Variants in DDRGK1 observed in about 807,000 individuals in gnomAD.
DDRGK1 encodes the protein DDRGK domain containing 1, also known as DDRGK domain-containing protein 1.
Under a neutral mutation model 45.8 loss-of-function variants are expected in DDRGK1, and 38 were observed. The observed-to-expected ratio is 0.83, with a 90% confidence interval of 0.64 to 1.09. DDRGK1 has a LOEUF of 1.09. DDRGK1 is among the 50% of genes least tolerant of loss of function. DDRGK1 has a pLI of 0.00. For synonymous variants in DDRGK1, 171 were observed against 168.7 expected (o/e 1.01, Z -0.11); for missense variants, 403 against 419.9 (o/e 0.96, Z 0.35).
chr20:3,191,303 C>T, intron 7 of DDRGK1, 65 bp from the exon 8 acceptor site: 1 of 1,521,498 alleles, frequency 6.6e-7, no homozygotes. Flanking sequence ...GCACTGAAAC[C>T]TCCCTCCCAC....
intron 2 of DDRGK1, among the ~76,000 whole-genome samples, chr20:3,201,240 C>A (rs560753814): frequency 2.7e-5 from 4 of 148,298 alleles, no homozygotes; most frequent in African/African-American, 1.0e-4. Flanking sequence ...GCGGAGATCG[C>A]GCCACTGCAC....
At chr20:3,202,775 A>G (rs897248886) in intron 2 of DDRGK1, among the ~76,000 whole-genome samples, 4 of 152,126 alleles carry the variant, frequency 2.6e-5, no homozygotes, top group Non-Finnish European at 5.9e-5. Flanking sequence ...GGTCTCCTGG[A>G]AGCAGGGATA....
rs34780584 is a variant in DDRGK1 at position 3,196,493 on chromosome 20, C to G, written c.511-1140G>C. On this transcript the variant is annotated intron_variant, in intron 4 of 8. Coordinates refer to ENST00000354488, the MANE Select transcript of DDRGK1 (RefSeq NM_023935.3). The stretch of plus-strand genomic sequence containing the variant: ...GAGATCGAGACCATCCTGGCTAACA[C>G]GGTGAAACCCTGTCTCCACTAAAAA... 3.5e-3 allele frequency among the ~76,000 whole-genome samples: 509 copies of G among 146,104 alleles called. 4 individuals are homozygous for G. The highest frequency in any genetic ancestry group is 0.012 in the African/African-American group (463 of 39,214).
chr20:3,198,714 A>C lies in DDRGK1; in HGVS notation c.510+1287T>G, dbSNP rs956992153. On this transcript the variant is annotated intron_variant, in intron 4 of 8. Transcript: ENST00000354488. ...GAACTCCGTTTCAAAAAAAAAAAAA[A>C]AAAAACAAAACAGAAATTCTGATAA... is the stretch of plus-strand genomic sequence containing the variant. Among the ~76,000 whole-genome samples, 11 of 143,224 alleles carry C rather than the reference A, an allele frequency of 7.7e-5. 1 individual carries two copies. The highest frequency in any genetic ancestry group is 1.1e-4 in the Non-Finnish European group (7 of 65,340). The allele number at this position is 143,224 out of a possible 152,430, so 94.0% of individuals were successfully genotyped here. A position where few individuals can be genotyped will look rare whatever the true frequency, so the allele number is the denominator to read the frequency against.
At chr20:3,194,762 T>C in intron 6 of DDRGK1, 68 bp downstream of exon 6, 1 of 1,602,584 alleles carries the variant, frequency 6.2e-7, no homozygotes, top group Non-Finnish European at 8.5e-7. Context: ...CAGCCCCCGC[T>C]GGAGGCATCC....
chr20:3,199,964 G>A, intron 4 of DDRGK1, 37 bp downstream of exon 4: 2 of 1,559,882 alleles, frequency 1.3e-6, no homozygotes, highest in East Asian at 2.3e-5. Flanking sequence ...GCCTTGCCTG[G>A]TCAAGGGTCA....
At chr20:3,192,728 A>T (rs932781130) in intron 6 of DDRGK1, among the ~76,000 whole-genome samples, 1 of 152,120 alleles carries the variant, frequency 6.6e-6, no homozygotes, top group Non-Finnish European at 1.5e-5. Flanking sequence ...CACTACCCCA[A>T]CACACAGCAC....
At chr20:3,195,750 T>C (rs2067007455) in intron 4 of DDRGK1, among the ~76,000 whole-genome samples, 1 of 151,962 alleles carries the variant, frequency 6.6e-6, no homozygotes, top group Non-Finnish European at 1.5e-5. Context: ...CTGCATTTCC[T>C]CACCACCCAC....
chr20:3,194,955 T>G (rs1225471453), intron 5 of DDRGK1, 87 bp from the exon 6 acceptor site: 19 of 1,543,318 alleles, frequency 1.2e-5, no homozygotes, highest in Non-Finnish European at 1.6e-5. Flanking sequence ...CCTGCTCACT[T>G]GAGGGCCACC....
intron 6 of DDRGK1, among the ~76,000 whole-genome samples, chr20:3,194,621 C>T (rs2067002129): frequency 6.6e-6 from 1 of 152,244 alleles, no homozygotes; most frequent in Admixed American, 6.5e-5. Flanking sequence ...AGGCTTGCGC[C>T]TCCCACACAG....
Position 3,194,847 on chromosome 20 carries a change from A to G in DDRGK1, c.655T>C (p.Phe219Leu). 6.2e-7 allele frequency: 1 copy of G among 1,613,934 alleles called. No individual in the cohort carries two copies. The highest frequency in any genetic ancestry group is 1.1e-5 in the South Asian group (1 of 91,066). ...EEQSQSFLTE[F>L]INYIKQSKVV... The stretch of plus-strand genomic sequence containing the variant: ...CTTCTTACCTTGATGTAGTTGATGA[A>G]CTCTGTCAGGAAGCTCTGGGACTAG... The change falls in exon 6 of 9, where the codon TTC becomes CTC. Residue 219 changes from phenylalanine to leucine, a missense_variant. Transcript: ENST00000354488.
chr20:3,199,884 G>T, intron 4 of DDRGK1, 117 bp downstream of exon 4: 2 of 906,606 alleles, frequency 2.2e-6, no homozygotes, highest in Non-Finnish European at 3.2e-6. Context: ...ACCAGGACCT[G>T]CCCTTGTGCC....
chr20:3,195,014 G>A lies in DDRGK1; in HGVS notation c.634-146C>T, dbSNP rs2067004125. 8 of 1,318,488 alleles carry A rather than the reference G, an allele frequency of 6.1e-6. No homozygotes were observed. The East Asian group carries it at 1.9e-4, about 32-fold the overall frequency. The allele number at this position is 1,318,488 out of a possible 1,614,324, so 81.7% of individuals were successfully genotyped here. A position where few individuals can be genotyped will look rare whatever the true frequency, so the allele number is the denominator to read the frequency against. ...GCCCAACCACCTGCACATACCGCTTGCCTACACAAGCAGCAGAGCCTTCCA... is the reference window on the plus strand; with the variant it reads ...GCCCAACCACCTGCACATACCGCTTACCTACACAAGCAGCAGAGCCTTCCA... On this transcript the variant is annotated intron_variant, in intron 5 of 8. Transcript: ENST00000354488.
intron 2 of DDRGK1, among the ~76,000 whole-genome samples, chr20:3,202,425 C>G (rs1256673662): frequency 6.6e-6 from 1 of 152,158 alleles, no homozygotes. Context: ...TCCTCACAAT[C>G]GTCAGGAGTT....
Position 3,190,795 on chromosome 20 carries a change from A to C in DDRGK1, c.803T>G (p.Phe268Cys). 6.2e-7 allele frequency: 1 copy of C among 1,613,536 alleles called. No homozygotes were observed. Among genetic ancestry groups the C allele is most frequent in the Non-Finnish European group, 8.5e-7 (1 of 1,179,792 alleles). Reference sequence around the variant, plus strand: ...CAGTTCCTCTGGGGTTATGTAGATGAACTTGCCCCGGTCGTCAATCACACC... The same window carrying C: ...CAGTTCCTCTGGGGTTATGTAGATGCACTTGCCCCGGTCGTCAATCACACC... Reference protein sequence around the residue: ...ITGVIDDRGKFIYITPEELAA... With the variant: ...ITGVIDDRGKCIYITPEELAA... The change falls in exon 9 of 9, where the codon TTC becomes TGC. Residue 268 changes from phenylalanine to cysteine, a missense_variant. By Grantham distance (205) the Phe-to-Cys change is radical (BLOSUM62 -2). Coordinates refer to ENST00000354488, the MANE Select transcript of DDRGK1 (RefSeq NM_023935.3).
intron 7 of DDRGK1, 126 bp from the exon 8 acceptor site, chr20:3,191,364 T>C (rs2066988657): frequency 8.9e-7 from 1 of 1,127,900 alleles, no homozygotes; most frequent in Non-Finnish European, 1.3e-6. Flanking sequence ...AATGTGACTC[T>C]GTGCTTTGCC....
intron 1 of DDRGK1, 45 bp from the exon 2 acceptor site, chr20:3,203,461 C>A (rs901036854): frequency 2.1e-6 from 3 of 1,463,342 alleles, no homozygotes; most frequent in Non-Finnish European, 2.7e-6. Flanking sequence ...AAGCCCAGCC[C>A]GGCCCATGGC....
Position 3,200,413 on chromosome 20 carries a change from G to C in DDRGK1, c.337C>G (p.Leu113Val). The C allele has an allele frequency of 6.3e-7, 1 of 1,584,946 alleles. No homozygotes were observed. Among genetic ancestry groups the C allele is most frequent in the African/African-American group, 1.3e-5 (1 of 74,470 alleles). The change falls in exon 3 of 9, where the codon CTG becomes GTG. Residue 113 changes from leucine (L) to valine (V), a missense_variant. Coordinates refer to ENST00000354488, the MANE Select transcript of DDRGK1 (RefSeq NM_023935.3). The stretch of plus-strand genomic sequence containing the variant: ...TTCTTAGCTCCAATTTTCCCCGACA[G>C]GTGAGTTTCCGCTGGCTTCTCGACA... The part of the protein sequence containing the change: ...EGVEKPAETH[L>V]SGKIGAKKLR...
At chr20:3,193,532 G>A (rs1017239564) in intron 6 of DDRGK1, among the ~76,000 whole-genome samples, 2 of 152,086 alleles carry the variant, frequency 1.3e-5, no homozygotes, top group Non-Finnish European at 2.9e-5. Context: ...CACCATGCCT[G>A]GCTAATTTTT....
Sources: gnomAD v4.1 joint callset for allele counts (sites outside exome capture counted in the v4.1 genomes callset) on GRCh38, gnomAD v4.1.1 for gene constraint, MANE v1.5 for transcripts, NCBI Gene and HGNC (gene_info 2026-07-23, HGNC 2026-07-21) for gene names.